The following SBF2 variants were observed in gnomAD, a reference collection of about 807,000 sequenced individuals.
SBF2 encodes the protein myotubularin-related protein 13.
SBF2 carries 112 observed loss-of-function variants against 225.2 expected under a neutral mutation model. The ratio of observed to expected loss-of-function variants is 0.50; its 90% confidence interval spans 0.43 to 0.58. The LOEUF is 0.58. SBF2 is among the 20% of genes least tolerant of loss of function. The pLI is 0.00. For missense variants in SBF2, 1,996 were observed against 2,206.2 expected, an observed-to-expected ratio of 0.90 and a Z score of 1.91; for synonymous variants, 763 against 773.3, an observed-to-expected ratio of 0.99 and a Z score of 0.22.
intron 1 of SBF2, among the ~76,000 whole-genome samples, chr11:10,248,203 A>G (rs1380205051): frequency 6.6e-6 from 1 of 152,236 alleles, no homozygotes; most frequent in Non-Finnish European, 1.5e-5. Flanking sequence ...AGGATCTTGT[A>G]TAATAAATGT....
At chr11:10,095,129 C>G (rs1266941741) in intron 2 of SBF2, among the ~76,000 whole-genome samples, 1 of 151,844 alleles carries the variant, frequency 6.6e-6, no homozygotes, top group Non-Finnish European at 1.5e-5. Context: ...TGCTATGTTG[C>G]CCAGGCTAGT....
chr11:9,792,940 T>TG (rs376631678), intron 33 of SBF2, among the ~76,000 whole-genome samples: 40 of 56,524 alleles, frequency 7.1e-4, no homozygotes, highest in South Asian at 1.5e-3. Context: ...TGTGTGTGTG[T>TG]TTTTTTTTTT....
At chr11:9,820,789 A>G (rs1854705648) in intron 28 of SBF2, among the ~76,000 whole-genome samples, 1 of 152,230 alleles carries the variant, frequency 6.6e-6, no homozygotes, top group Non-Finnish European at 1.5e-5. Flanking sequence ...AAAGGAAAAT[A>G]AAAACTCAGG....
chr11:9,901,819 A>AT (rs1029022582), intron 16 of SBF2, among the ~76,000 whole-genome samples: 4 of 151,956 alleles, frequency 2.6e-5, no homozygotes, highest in Non-Finnish European at 4.4e-5. Flanking sequence ...TAATTTTTGT[A>AT]TTTTTTGTAG....
chr11:9,893,158 G>A (rs1860975539), intron 17 of SBF2, among the ~76,000 whole-genome samples: 1 of 152,164 alleles, frequency 6.6e-6, no homozygotes, highest in African/African-American at 2.4e-5. Context: ...GCAAGACCCA[G>A]GAATTTATAC....
chr11:10,067,960 T>C (rs1950697076), intron 2 of SBF2, among the ~76,000 whole-genome samples: 1 of 152,170 alleles, frequency 6.6e-6, no homozygotes. Context: ...GAAGGACAAC[T>C]GATCCCTTTC....
rs140734562 is a variant in SBF2 at position 10,068,733 on chromosome 11, G to A, written c.142-25752C>T. On this transcript the variant is annotated intron_variant, in intron 2 of 39. Transcript: ENST00000256190. ...TAATATTATTACCGACTCAGCCCCC[G>A]TCACCCCTTTCAAAATAATGTCAAC... 4.9e-3 allele frequency among the ~76,000 whole-genome samples: 747 copies of A among 152,038 alleles called. 2 individuals are homozygous for A. Among genetic ancestry groups the A allele is most frequent in the Admixed American group, 9.3e-3 (142 of 15,268 alleles).
At chr11:10,058,047 C>T (rs1950312561) in intron 2 of SBF2, among the ~76,000 whole-genome samples, 1 of 152,216 alleles carries the variant, frequency 6.6e-6, no homozygotes, top group Admixed American at 6.5e-5. Flanking sequence ...GAAACACCCA[C>T]ACACAGAGAT....
intron 6 of SBF2, among the ~76,000 whole-genome samples, chr11:10,004,731 A>G (rs1471463210): frequency 1.3e-5 from 2 of 152,190 alleles, no homozygotes; most frequent in South Asian, 2.1e-4. Flanking sequence ...CCTCTGCCCT[A>G]TTGTTTCACT....
At chr11:10,171,250 C>A (rs1471884184) in intron 2 of SBF2, among the ~76,000 whole-genome samples, 1 of 152,126 alleles carries the variant, frequency 6.6e-6, no homozygotes, top group Non-Finnish European at 1.5e-5. Flanking sequence ...GTTTTCCCCC[C>A]ATTCATAATG....
intron 17 of SBF2, among the ~76,000 whole-genome samples, chr11:9,860,750 T>C (rs1462151121): frequency 1.3e-5 from 2 of 152,234 alleles, no homozygotes; most frequent in Non-Finnish European, 2.9e-5. Flanking sequence ...ACATAATCAA[T>C]GGCAACTCTA....
Position 9,824,828 on chromosome 11 carries a change from C to T in SBF2, c.3793+4528G>A, listed in dbSNP as rs181808885. On this transcript the variant is annotated intron_variant, in intron 28 of 39. Coordinates refer to ENST00000256190, the MANE Select transcript of SBF2 (RefSeq NM_030962.4). ...AAAAATTACTGACTTTCCTTGCTGACAATGTAAACTTTCATATGGTAAATA... is the reference window on the plus strand; with the variant it reads ...AAAAATTACTGACTTTCCTTGCTGATAATGTAAACTTTCATATGGTAAATA... Among the ~76,000 whole-genome samples the T allele has an allele frequency of 3.0e-4, 46 of 152,160 alleles. 1 individual carries two copies. Among genetic ancestry groups the T allele is most frequent in the South Asian group, 1.7e-3 (8 of 4,812 alleles).
At position 10,203,832 on chromosome 11, in the gene SBF2, A is replaced by T. The variant is rs539258477; in HGVS notation, c.56-9845T>A. 1.1e-3 allele frequency among the ~76,000 whole-genome samples: 164 copies of T among 152,206 alleles called. 1 individual carries two copies. The highest frequency in any genetic ancestry group is 1.7e-3 in the East Asian group (9 of 5,186). ...TAGAAACTTCCAAAATGAAACAGAG[A>T]AACAGACTGGGAAAAAGACAAAAAA... On this transcript the variant is annotated intron_variant, in intron 1 of 39. Coordinates refer to ENST00000256190, the MANE Select transcript of SBF2 (RefSeq NM_030962.4).
intron 1 of SBF2, among the ~76,000 whole-genome samples, chr11:10,213,407 C>A (rs1958012667): frequency 6.6e-6 from 1 of 152,200 alleles, no homozygotes; most frequent in South Asian, 2.1e-4. Context: ...GCTGCTTCAG[C>A]AAGAACCAAA....
chr11:10,107,886 CACCA>C (rs1590971286), intron 2 of SBF2, among the ~76,000 whole-genome samples: 2 of 152,086 alleles, frequency 1.3e-5, no homozygotes, highest in East Asian at 3.9e-4. Context: ...GGGGTGGGGA[CACCA>C]TTCAACCCAC....
chr11:9,918,111 T>A (rs183790000), intron 16 of SBF2, among the ~76,000 whole-genome samples: 1 of 148,416 alleles, frequency 6.7e-6, no homozygotes, highest in African/African-American at 2.6e-5. Flanking sequence ...AGCAGTTATA[T>A]GATCATTGCC....
intron 16 of SBF2, chr11:9,959,820 T>C: frequency 5.2e-6 from 3 of 578,380 alleles, no homozygotes. Context: ...AGCAGGCGGG[T>C]AGGTAAAGGT....
At chr11:10,267,383 C>T (rs567186700) in intron 1 of SBF2, among the ~76,000 whole-genome samples, 30 of 151,650 alleles carry the variant, frequency 2.0e-4, no homozygotes, top group Admixed American at 1.4e-3. Context: ...TATAGTAATC[C>T]GAGTAAGAAC....
chr11:10,249,226 G>C (rs1960100027), intron 1 of SBF2, among the ~76,000 whole-genome samples: 1 of 145,186 alleles, frequency 6.9e-6, no homozygotes, highest in Non-Finnish European at 1.6e-5. Flanking sequence ...GCACGAATCT[G>C]CTCTTTAACA....
Sources: gnomAD v4.1 joint callset for allele counts (sites outside exome capture counted in the v4.1 genomes callset) on GRCh38, gnomAD v4.1.1 for gene constraint, MANE v1.5 for transcripts, NCBI Gene and HGNC (gene_info 2026-07-23, HGNC 2026-07-21) for gene names.